ANKRD31: variants seen among roughly 807,000 people sequenced by gnomAD.
ANKRD31 encodes the protein ankyrin repeat domain 31.
A neutral mutation model predicts 186.0 loss-of-function variants in ANKRD31; 147 were observed. The ratio of observed to expected loss-of-function variants is 0.79; its 90% CI spans 0.69 to 0.91. ANKRD31 has a LOEUF of 0.91. Among genes scored for constraint, ANKRD31 ranks in the 40% least tolerant of loss-of-function variants. ANKRD31 has a pLI of 0.00. For synonymous variants in ANKRD31, 673 were observed against 736.4 expected, an observed-to-expected ratio of 0.91 and a Z score of 1.39; for missense variants, 1,986 against 2,148.8, an observed-to-expected ratio of 0.92 and a Z score of 1.50.
At chr5:75,213,192 A>C (rs1277782536) in intron 3 of ANKRD31, among the ~76,000 whole-genome samples, 1 of 152,204 alleles carries the variant, frequency 6.6e-6, no homozygotes, top group African/African-American at 2.4e-5. Context: ...AGAAACTCCC[A>C]AGAATTAATT....
intron 11 of ANKRD31, among the ~76,000 whole-genome samples, chr5:75,163,851 A>G (rs890774335): frequency 6.6e-6 from 1 of 152,206 alleles, no homozygotes; most frequent in African/African-American, 2.4e-5. Context: ...GATGCTAGCC[A>G]CTTACTGAAA....
At chr5:75,114,308 C>T (rs111474218) in intron 19 of ANKRD31, among the ~76,000 whole-genome samples, 275 of 152,186 alleles carry the variant, frequency 1.8e-3, no homozygotes, top group African/African-American at 5.7e-3. Flanking sequence ...AGTGAAGACA[C>T]ATTTATGACA....
At chr5:75,088,254 G>C (rs1041370316) in intron 23 of ANKRD31, among the ~76,000 whole-genome samples, 2 of 152,112 alleles carry the variant, frequency 1.3e-5, no homozygotes, top group African/African-American at 4.8e-5. Flanking sequence ...GGGGTGAGGG[G>C]AACCACAGAA....
At chr5:75,185,000 T>C (rs1446421394) in intron 10 of ANKRD31, among the ~76,000 whole-genome samples, 2 of 152,122 alleles carry the variant, frequency 1.3e-5, no homozygotes, top group Non-Finnish European at 2.9e-5. Context: ...AAATGTGGTA[T>C]ATGTATACAA....
intron 1 of ANKRD31, among the ~76,000 whole-genome samples, chr5:75,233,312 C>T (rs1472352499): frequency 1.3e-5 from 2 of 152,028 alleles, no homozygotes; most frequent in Non-Finnish European, 2.9e-5. Flanking sequence ...ATCTGCCCAC[C>T]TCAGCCTCCC....
chr5:75,121,376 C>G (rs141921615), intron 17 of ANKRD31, among the ~76,000 whole-genome samples: 1 of 152,124 alleles, frequency 6.6e-6, no homozygotes, highest in Non-Finnish European at 1.5e-5. Context: ...CTTGAACATC[C>G]GAGTCACAGC....
chr5:75,088,017 T>C (rs1745633941), intron 23 of ANKRD31, among the ~76,000 whole-genome samples: 1 of 152,232 alleles, frequency 6.6e-6, no homozygotes, highest in Non-Finnish European at 1.5e-5. Context: ...AGAGATCACA[T>C]ATCTAACCAT....
At chr5:75,089,602 A>G (rs184754515) in intron 23 of ANKRD31, among the ~76,000 whole-genome samples, 1 of 152,378 alleles carries the variant, frequency 6.6e-6, no homozygotes, top group Non-Finnish European at 1.5e-5. Flanking sequence ...TAAATATTGT[A>G]AAGAAAATCA....
Position 75,168,854 on chromosome 5 carries a change from T to C in ANKRD31, c.1707+125A>G. 2.5e-5 allele frequency: 23 copies of C among 924,138 alleles called. 1 individual carries two copies. In the South Asian group the frequency reaches 5.4e-4, roughly 22 times the overall value. 57.2% of individuals were successfully genotyped at this position (924,138 alleles called of 1,614,324 possible). ...CACAGTAAAATTTCATTATAAATTC[T>C]AAGTATTCATTAGCAGAATGAAATT... On this transcript the variant is annotated intron_variant, in intron 11 of 25. Transcript: ENST00000506364.
intron 17 of ANKRD31, among the ~76,000 whole-genome samples, chr5:75,132,092 A>C (rs1160966110): frequency 6.6e-6 from 1 of 152,214 alleles, no homozygotes; most frequent in Non-Finnish European, 1.5e-5. Flanking sequence ...AATTCTAAAA[A>C]TCAGAGCGCC....
chr5:75,163,454 C>T (rs1463895647), intron 11 of ANKRD31, among the ~76,000 whole-genome samples: 1 of 152,160 alleles, frequency 6.6e-6, no homozygotes, highest in Non-Finnish European at 1.5e-5. Context: ...GGAATCTGGG[C>T]ATGTCCAGAA....
At position 75,097,349 on chromosome 5, in the gene ANKRD31, A is replaced by C. The variant is rs867594761; in HGVS notation, c.5332-5948T>G. 3.2e-4 allele frequency among the ~76,000 whole-genome samples: 48 copies of C among 152,302 alleles called. No homozygotes were observed. The Middle Eastern group carries it at 0.014, about 43-fold the overall frequency. On this transcript the variant is annotated intron_variant, in intron 22 of 25. Transcript: ENST00000506364. ...GTTTCCTGACTTTTTAATGATTGCCATTCTAACTGGTGTGAGATGGTATCT... is the reference window on the plus strand; with the variant it reads ...GTTTCCTGACTTTTTAATGATTGCCCTTCTAACTGGTGTGAGATGGTATCT...
intron 23 of ANKRD31, among the ~76,000 whole-genome samples, chr5:75,085,327 G>A (rs80086243): frequency 0.15 from 22,790 of 151,886 alleles, 1,925 homozygotes; most frequent in South Asian, 0.38. Context: ...AGTGCCTGAC[G>A]ATACTGGATA....
intron 4 of ANKRD31, among the ~76,000 whole-genome samples, chr5:75,209,231 A>T (rs908946889): frequency 3.3e-5 from 5 of 152,124 alleles, no homozygotes; most frequent in East Asian, 3.9e-4. Context: ...CTTTTAGAAA[A>T]TACTTATGCA....
intron 4 of ANKRD31, among the ~76,000 whole-genome samples, chr5:75,209,431 C>G (rs191426119): frequency 6.6e-6 from 1 of 152,242 alleles, no homozygotes; most frequent in East Asian, 1.9e-4. Context: ...AATCCCAGCA[C>G]TTTGGGAGGC....
chr5:75,087,259 C>T (rs1348019222), intron 23 of ANKRD31, among the ~76,000 whole-genome samples: 1 of 152,038 alleles, frequency 6.6e-6, no homozygotes, highest in Non-Finnish European at 1.5e-5. Context: ...TACCTGTAAC[C>T]CCAGCACTTT....
chr5:75,093,689 T>C (rs1334994511), intron 22 of ANKRD31, among the ~76,000 whole-genome samples: 1 of 152,132 alleles, frequency 6.6e-6, no homozygotes, highest in Non-Finnish European at 1.5e-5. Context: ...CTCAAGAAGA[T>C]TAACAGCTGT....
At chr5:75,161,655 C>A (rs1561490480) in intron 11 of ANKRD31, among the ~76,000 whole-genome samples, 2 of 152,166 alleles carry the variant, frequency 1.3e-5, no homozygotes, top group African/African-American at 4.8e-5. Context: ...TTCACAGCAG[C>A]CCCTCCCATC....
Position 75,118,289 on chromosome 5 carries a change from C to T in ANKRD31, c.3885G>A (p.Glu1295=), listed in dbSNP as rs1748462055. The T allele has an allele frequency of 2.0e-6, 3 of 1,488,294 alleles. No individual in the cohort carries two copies. Among genetic ancestry groups the T allele is most frequent in the Admixed American group, 2.6e-5 (1 of 38,064 alleles). The allele number at this position is 1,488,294 out of a possible 1,614,324, so 92.2% of individuals were successfully genotyped here. Residue 1295 remains glutamate, a synonymous_variant, in exon 18 of 26, where the codon GAG becomes GAA. Transcript: ENST00000506364. ...AVANNHLKAA[E]ILLQNGANPN... is the part of the protein sequence containing the mutation. ...GGTTTGCTCCATTTTGTAGTAGAAT[C>T]TCAGCTGCCTACAAAGTATTTTTTC...
Sources: allele counts gnomAD v4.1 joint callset (sites outside exome capture counted in the v4.1 genomes callset), GRCh38; gene constraint gnomAD v4.1.1; transcripts MANE v1.5; gene names NCBI Gene and HGNC (gene_info 2026-07-23, HGNC 2026-07-21).